Variants in TAPT1 observed in about 807,000 individuals in gnomAD.
TAPT1 encodes the protein transmembrane anterior posterior transformation protein 1 homolog.
In TAPT1, 28 loss-of-function variants were observed where a neutral mutation model predicts 65.6. That is an observed-to-expected ratio of 0.43 (90% CI 0.32 to 0.59). The LOEUF (loss-of-function observed/expected upper bound fraction) is 0.59, where lower values mean the gene tolerates loss of function less well. Among genes scored for constraint, TAPT1 ranks in the 20% least tolerant of loss-of-function variants. The pLI, the probability that TAPT1 is intolerant of heterozygous loss-of-function variation, is 0.09. For missense variants in TAPT1, 563 were observed against 679.9 expected, an observed-to-expected ratio of 0.83 and a Z score of 1.91; for synonymous variants, 278 against 245.2, an observed-to-expected ratio of 1.13 and a Z score of -1.25.
chr4:16,188,055 GTTA>G (rs1749128912), intron 5 of TAPT1, among the ~76,000 whole-genome samples, 162 bp downstream of exon 5: 1 of 152,142 alleles, frequency 6.6e-6, no homozygotes, highest in African/African-American at 2.4e-5. Context: ...AAATTAGTTA[GTTA>G]TTATGACAAT....
intron 5 of TAPT1, 98 bp downstream of exon 5, chr4:16,188,122 T>A: frequency 1.0e-6 from 1 of 991,208 alleles, no homozygotes; most frequent in Non-Finnish European, 1.4e-6. Flanking sequence ...ATACATACAT[T>A]ATCTATATAT....
At position 16,191,532 on chromosome 4, in the gene TAPT1, T is replaced by C. The variant is rs980303942; in HGVS notation, c.450-9A>G. On this transcript the variant is annotated splice_polypyrimidine_tract_variant and intron_variant, in intron 3 of 13. Transcript: ENST00000405303. ...GAAGCAAACGTCTGTCCCTGAAACA[T>C]ACAAGAAGTAATAAAAATATAATTT... is the stretch of plus-strand genomic sequence containing the variant. 3.1e-5 allele frequency: 48 copies of C among 1,550,434 alleles called. No individual in the cohort carries two copies. The Middle Eastern group carries it at 1.0e-3, about 32-fold the overall frequency.
intron 3 of TAPT1, among the ~76,000 whole-genome samples, chr4:16,195,520 CTT>C (rs2149697102): frequency 6.6e-6 from 1 of 152,320 alleles, no homozygotes; most frequent in Non-Finnish European, 1.5e-5. Context: ...TTTAACAAAA[CTT>C]AAACATTTTT....
chr4:16,190,802 T>C (rs1204985627), intron 4 of TAPT1: 1 of 154,860 alleles, frequency 6.5e-6, no homozygotes, highest in Non-Finnish European at 1.5e-5. Flanking sequence ...CTGAATGCTT[T>C]GAAGTGAGAC....
At chr4:16,169,669 ACT>A (rs1747866279) in intron 12 of TAPT1, among the ~76,000 whole-genome samples, 2 of 152,250 alleles carry the variant, frequency 1.3e-5, no homozygotes, top group Admixed American at 1.3e-4. Context: ...TGAGCCCGCT[ACT>A]GCAGGAGCTG....
rs2149658496 is a variant in TAPT1, at chr4:16,161,509, C to T, written c.*1799G>A. Reference sequence around the variant, plus strand: ...CCAAACCATGTTCCTGCTCTGAAATCAGGGTTGTGTTTGGCAAAGCTTTCC... The same window carrying T: ...CCAAACCATGTTCCTGCTCTGAAATTAGGGTTGTGTTTGGCAAAGCTTTCC... On this transcript the variant is annotated 3_prime_UTR_variant, in exon 14 of 14. Transcript: ENST00000405303. 1 of 152,702 alleles carries T rather than the reference C, an allele frequency of 6.5e-6. No individual in the cohort carries two copies. Among genetic ancestry groups the T allele is most frequent in the East Asian group, 1.9e-4 (1 of 5,184 alleles). The allele number at this position is 152,702 out of a possible 1,614,324, so 9.5% of individuals were successfully genotyped here.
intron 7 of TAPT1, among the ~76,000 whole-genome samples, chr4:16,182,134 A>C (rs994977778): frequency 2.6e-5 from 4 of 152,182 alleles, no homozygotes; most frequent in Non-Finnish European, 5.9e-5. Flanking sequence ...TTTACATTTA[A>C]ATGTTTTACA....
intron 2 of TAPT1, among the ~76,000 whole-genome samples, chr4:16,207,336 T>C (rs1396738506): frequency 6.6e-6 from 1 of 152,220 alleles, no homozygotes; most frequent in Non-Finnish European, 1.5e-5. Flanking sequence ...ACAATAGTCA[T>C]TACGTTTTCT....
chr4:16,210,333 G>A (rs1750583442), intron 2 of TAPT1, among the ~76,000 whole-genome samples: 1 of 152,142 alleles, frequency 6.6e-6, no homozygotes, highest in Non-Finnish European at 1.5e-5. Flanking sequence ...ATAAAACTGG[G>A]ACACAGGGAA....
At chr4:16,214,078 CTTT>C (rs1366919389) in intron 1 of TAPT1, among the ~76,000 whole-genome samples, 180 bp from the exon 2 acceptor site, 1 of 152,158 alleles carries the variant, frequency 6.6e-6, no homozygotes, top group Non-Finnish European at 1.5e-5. Flanking sequence ...AAGTATTCTT[CTTT>C]GTGGTATAAC....
chr4:16,202,933 G>A (rs901295160), intron 2 of TAPT1, among the ~76,000 whole-genome samples: 4 of 152,088 alleles, frequency 2.6e-5, no homozygotes, highest in African/African-American at 9.7e-5. Flanking sequence ...CTTCATTGAT[G>A]GGAAAGACTG....
intron 8 of TAPT1, 55 bp from the exon 9 acceptor site, chr4:16,176,283 A>T (rs1201229147): frequency 1.2e-6 from 1 of 839,948 alleles, no homozygotes; most frequent in East Asian, 2.8e-5. Flanking sequence ...CAGAATCCAT[A>T]TCACAGGCTA....
Position 16,205,542 on chromosome 4 carries a change from A to G in TAPT1, c.331-2962T>C, listed in dbSNP as rs887013119. Among the ~76,000 whole-genome samples the G allele has an allele frequency of 2.0e-5, 3 of 152,310 alleles. No individual in the cohort carries two copies. The East Asian group carries it at 5.8e-4, about 29-fold the overall frequency. ...ACACAAACCGCATGCTAAGTGCCAG[A>G]TGAATGATGTGCTCTGGAAACACAG... is the stretch of plus-strand genomic sequence containing the variant. On this transcript the variant is annotated intron_variant, in intron 2 of 13. Transcript: ENST00000405303.
chr4:16,196,030 T>C (rs1485471120), intron 3 of TAPT1, among the ~76,000 whole-genome samples: 2 of 152,242 alleles, frequency 1.3e-5, no homozygotes, highest in Non-Finnish European at 2.9e-5. Flanking sequence ...ATTTGTGGTA[T>C]AATTGGAAGA....
At chr4:16,164,482 C>T (rs1747453426) in intron 13 of TAPT1, among the ~76,000 whole-genome samples, 1 of 152,216 alleles carries the variant, frequency 6.6e-6, no homozygotes, top group African/African-American at 2.4e-5. Flanking sequence ...CCTGAATGTA[C>T]TTCTCATAAC....
intron 3 of TAPT1, among the ~76,000 whole-genome samples, chr4:16,200,605 C>T (rs1396003065): frequency 2.6e-5 from 4 of 152,226 alleles, no homozygotes; most frequent in Non-Finnish European, 5.9e-5. Flanking sequence ...AGATTACAGG[C>T]ATGAGCCACC....
At chr4:16,191,243 G>T (rs1749353340) in intron 4 of TAPT1, 118 bp downstream of exon 4, 2 of 1,069,118 alleles carry the variant, frequency 1.9e-6, no homozygotes, top group Non-Finnish European at 2.6e-6. Context: ...CACAGTAAAG[G>T]CCAGAAGCAC....
At chr4:16,191,948 T>C (rs1749401427) in intron 3 of TAPT1, among the ~76,000 whole-genome samples, 1 of 152,376 alleles carries the variant, frequency 6.6e-6, no homozygotes, top group African/African-American at 2.4e-5. Context: ...TTTAACGGCA[T>C]GATATTCCAT....
rs1356507566 is a variant in TAPT1, at chr4:16,166,624, C to T, written c.1474+9G>A. 1 of 1,612,254 alleles carries T rather than the reference C, an allele frequency of 6.2e-7. No homozygotes were observed. Among genetic ancestry groups the T allele is most frequent in the Non-Finnish European group, 8.5e-7 (1 of 1,178,440 alleles). ...GATCCAGGGAAGTGAAGAAAGGGACCAAACCTACCTTGAGAGGGTTTACAT... is the reference window on the plus strand; with the variant it reads ...GATCCAGGGAAGTGAAGAAAGGGACTAAACCTACCTTGAGAGGGTTTACAT... On this transcript the variant is annotated intron_variant, in intron 13 of 13. Coordinates refer to ENST00000405303, the MANE Select transcript of TAPT1 (RefSeq NM_153365.3).
Sources: allele counts gnomAD v4.1 joint callset (sites outside exome capture counted in the v4.1 genomes callset), GRCh38; gene constraint gnomAD v4.1.1; transcripts MANE v1.5; gene names NCBI Gene and HGNC (gene_info 2026-07-23, HGNC 2026-07-21).